OPLAH: variants seen among roughly 807,000 people sequenced by gnomAD.
OPLAH encodes the protein 5-oxoprolinase, ATP-hydrolysing.
OPLAH carries 103 observed loss-of-function variants against 122.8 expected under a neutral mutation model. The observed-to-expected ratio is 0.84, with a 90% confidence interval of 0.71 to 0.99. OPLAH has a LOEUF of 0.99. Among genes scored for constraint, OPLAH ranks in the 50% least tolerant of loss-of-function variants. OPLAH has a pLI of 0.00. For synonymous variants in OPLAH, 875 were observed against 796.0 expected, an observed-to-expected ratio of 1.10 and a Z score of -1.67; for missense variants, 1,902 against 1,836.5, an observed-to-expected ratio of 1.04 and a Z score of -0.65.
intron 15 of OPLAH, 68 bp downstream of exon 15, chr8:144,056,079 G>T: frequency 6.5e-7 from 1 of 1,546,224 alleles, no homozygotes; most frequent in Non-Finnish European, 8.8e-7. Context: ...TTGGGCCAGA[G>T]AACCCTGCAC....
At chr8:144,050,877 G>A, downstream of OPLAH, 2 of 996,860 alleles carry the variant, frequency 2.0e-6, no homozygotes, top group Non-Finnish European at 2.4e-6. Flanking sequence ...CGACCTGGAT[G>A]TAGGCACTGC....
chr8:144,056,032 G>T, intron 15 of OPLAH, 93 bp from the exon 16 acceptor site: 1 of 1,494,292 alleles, frequency 6.7e-7, no homozygotes. Flanking sequence ...CCACCCCAAC[G>T]ATGGTGGGAT....
chr8:144,058,257 T>C lies in OPLAH; in HGVS notation c.931A>G (p.Ile311Val), dbSNP rs1554759898. The change falls in exon 7 of 27, where the codon ATC (isoleucine) becomes GTC (valine). Residue 311 changes from isoleucine (I) to valine (V), a missense_variant. This residue lies in a region of OPLAH where 1,726 missense variants were observed against 1,642.1 expected (regional missense o/e 1.05). Transcript: ENST00000618853. ...TYQQEGGQPV[I>V]GFDMGGTSTD... ...CTCATACCTCCCATGTCAAAGCCGA[T>C]GACAGGCTGGCCACCCTCCTGCTGG... The C allele has an allele frequency of 2.5e-6, 4 of 1,610,482 alleles. No individual in the cohort carries two copies. The highest frequency in any genetic ancestry group is 1.7e-5 in the Admixed American group (1 of 59,930).
In OPLAH at chr8:144,057,445, T is replaced by C. The variant is rs782296452; in HGVS notation, c.1422+3A>G. On this transcript the variant is annotated splice_donor_region_variant and intron_variant, in intron 10 of 26. Coordinates refer to ENST00000618853, the MANE Select transcript of OPLAH (RefSeq NM_017570.5). ...ACAGGCGGGAGAGCAGAGGTGGACGTACCTGCGTGAGTGCACGGATGGGCC... is the reference window on the plus strand; with the variant it reads ...ACAGGCGGGAGAGCAGAGGTGGACGCACCTGCGTGAGTGCACGGATGGGCC... The C allele has an allele frequency of 1.9e-6, 3 of 1,582,506 alleles. No individual in the cohort carries two copies. Among genetic ancestry groups the C allele is most frequent in the East Asian group, 2.3e-5 (1 of 43,246 alleles).
At position 144,054,472 on chromosome 8, in the gene OPLAH, T is replaced by C. The variant is rs989191407; in HGVS notation, c.2686+89A>G. 7 of 1,376,692 alleles carry C rather than the reference T, an allele frequency of 5.1e-6. No homozygotes were observed. In the African/African-American group the frequency reaches 8.7e-5, roughly 17 times the overall value. The allele number at this position is 1,376,692 out of a possible 1,614,324, so 85.3% of individuals were successfully genotyped here. Reference sequence around the variant, plus strand: ...TCAAGGCAGGCCTGGGCCTATGGGCTGCATCCCACGGTCCAGCCAGGCCTG... The same window carrying C: ...TCAAGGCAGGCCTGGGCCTATGGGCCGCATCCCACGGTCCAGCCAGGCCTG... On this transcript the variant is annotated intron_variant, in intron 19 of 26. Transcript: ENST00000618853.
At position 144,055,401 on chromosome 8, in the gene OPLAH, C is replaced by T. The variant is rs1554758750; in HGVS notation, c.2249-212G>A. Among the ~76,000 whole-genome samples the T allele has an allele frequency of 6.6e-6, 1 of 152,094 alleles. No individual in the cohort carries two copies. Among genetic ancestry groups the T allele is most frequent in the African/African-American group, 2.4e-5 (1 of 41,418 alleles). On this transcript the variant is annotated intron_variant, in intron 16 of 26. Transcript: ENST00000618853. The surrounding 1 kb of genome is among the most constrained non-coding windows in gnomAD (Gnocchi z 6.5). Reference sequence around the variant, plus strand: ...ACCTTCCCCAGCCCTGCCTGGAGCCCCCAGCAAGAACCCAGTGCCACCCCT... The same window carrying T: ...ACCTTCCCCAGCCCTGCCTGGAGCCTCCAGCAAGAACCCAGTGCCACCCCT...
At chr8:144,063,083 G>A (rs1361626115), upstream of OPLAH, among the ~76,000 whole-genome samples, 1 of 151,792 alleles carries the variant, frequency 6.6e-6, no homozygotes, top group African/African-American at 2.4e-5. This position sits in a 1 kb window ranked among gnomAD's most constrained non-coding sequence, Gnocchi z 4.2. Context: ...GCAATGCCAC[G>A]CAGCCCCTCC....
Position 144,052,519 on chromosome 8 carries a change from C to T in OPLAH, c.3233G>A (p.Gly1078Asp), listed in dbSNP as rs1554757936. The T allele has an allele frequency of 6.3e-7, 1 of 1,583,832 alleles. No individual in the cohort carries two copies. Among genetic ancestry groups the T allele is most frequent in the Admixed American group, 1.7e-5 (1 of 57,360 alleles). Residue 1078 changes from glycine (G) to aspartate (D), a missense_variant, in exon 23 of 27, where the codon GGC (glycine) becomes GAC (aspartate). Gly to Asp is a moderately conservative substitution (Grantham distance 94). Coordinates refer to ENST00000618853, the MANE Select transcript of OPLAH (RefSeq NM_017570.5). ...CACGCGCTGCGACGTGAGCACGTTG[C>T]CGCCCACCACCGCCGCCTCGGGCGA... Reference protein sequence around the residue: ...DPSPEAAVVGGNVLTSQRVVD... With the variant: ...DPSPEAAVVGDNVLTSQRVVD...
At chr8:144,063,192 C>G (rs1382108840), upstream of OPLAH, among the ~76,000 whole-genome samples, 1 of 152,168 alleles carries the variant, frequency 6.6e-6, no homozygotes, top group Non-Finnish European at 1.5e-5. This position sits in a 1 kb window ranked among gnomAD's most constrained non-coding sequence, Gnocchi z 4.2. Context: ...AAAACCAAGC[C>G]CCAGGCCACC....
rs376000019 is a variant in OPLAH, at chr8:144,058,568, G to A, written c.711C>T (p.Ala237=). The part of the protein sequence containing the change: ...RIVPRGHTAC[A]DAYLTPAIQR... The stretch of plus-strand genomic sequence containing the variant: ...GGATGGCGGGCGTGAGGTAGGCGTC[G>A]GCACAGGCCGTGTGCCCCCGAGGGA... The change falls in exon 6 of 27, where the codon GCC becomes GCT. Residue 237 remains alanine (A), a synonymous_variant. Coordinates refer to ENST00000618853, the MANE Select transcript of OPLAH (RefSeq NM_017570.5). 226 of 1,601,600 alleles carry A rather than the reference G, an allele frequency of 1.4e-4. No individual in the cohort carries two copies. In the African/African-American group the frequency reaches 2.6e-3, roughly 18 times the overall value.
chr8:144,055,825 C>T lies in OPLAH; in HGVS notation c.2211G>A (p.Gln737=), dbSNP rs868916897. Residue 737 remains glutamine, a synonymous_variant, in exon 16 of 27, where the codon CAG becomes CAA. Transcript: ENST00000618853. The surrounding 1 kb of genome is among the most constrained non-coding windows in gnomAD (Gnocchi z 6.5). ...GTVGPQLDPI[Q]LSIFSHRFMS... is the part of the protein sequence containing the mutation. ...TGAAGCGGTGTGAGAAGATGGACAG[C>T]TGGATAGGGTCCAGCTGGGGGCCCA... The T allele has an allele frequency of 6.4e-7, 1 of 1,567,742 alleles. No homozygotes were observed. Among genetic ancestry groups the T allele is most frequent in the Admixed American group, 1.9e-5 (1 of 53,236 alleles).
At chr8:144,063,732 C>G (rs782374376), upstream of OPLAH, 1 of 152,470 alleles carries the variant, frequency 6.6e-6, no homozygotes. This position sits in a 1 kb window ranked among gnomAD's most constrained non-coding sequence, Gnocchi z 4.2. Flanking sequence ...GATCGTTCTC[C>G]GCCTGGGTAG....
chr8:144,051,117 G>A, downstream of OPLAH: 1 of 1,382,504 alleles, frequency 7.2e-7, no homozygotes, highest in Non-Finnish European at 9.3e-7. Flanking sequence ...CCCCCAGGAG[G>A]TGGAGCAGGT....
Position 144,060,050 on chromosome 8 carries a change from C to T in OPLAH, c.-18G>A, listed in dbSNP as rs1554760578. On this transcript the variant is annotated 5_prime_UTR_variant, in exon 2 of 27. Coordinates refer to ENST00000618853, the MANE Select transcript of OPLAH (RefSeq NM_017570.5). Reference sequence around the variant, plus strand: ...CTGCCCATGGTGGTGGGGCTGGAGTCCCACAGGAGCTCTTCAGCTGGTAGC... The same window carrying T: ...CTGCCCATGGTGGTGGGGCTGGAGTTCCACAGGAGCTCTTCAGCTGGTAGC... The T allele has an allele frequency of 1.2e-6, 2 of 1,605,704 alleles. No homozygotes were observed. Among genetic ancestry groups the T allele is most frequent in the South Asian group, 1.1e-5 (1 of 90,480 alleles).
In OPLAH at chr8:144,059,952, C is replaced by T. The variant is rs782691740; in HGVS notation, c.81G>A (p.Gly27=). 1.4e-5 allele frequency: 22 copies of T among 1,612,792 alleles called. No individual in the cohort carries two copies. In the East Asian group the frequency reaches 4.7e-4, roughly 34 times the overall value. ...TFTDVFAQCP[G]GHVRVLKLLS... Reference sequence around the variant, plus strand: ...GCAGTTTTAAGACCCGCACGTGCCCCCCTGGGCACTGGGCAAAGACGTCTG... The same window carrying T: ...GCAGTTTTAAGACCCGCACGTGCCCTCCTGGGCACTGGGCAAAGACGTCTG... Residue 27 remains glycine, a synonymous_variant, in exon 2 of 27, where the codon GGG becomes GGA. Transcript: ENST00000618853.
rs1554757573 is a variant in OPLAH, at chr8:144,051,310, C to T, written c.*16G>A. On this transcript the variant is annotated 3_prime_UTR_variant, in exon 27 of 27. Coordinates refer to ENST00000618853, the MANE Select transcript of OPLAH (RefSeq NM_017570.5). Reference sequence around the variant, plus strand: ...CCCAGAACCGGGAGACTTAAGGCATCTTTATTGCGGGATCCTCACACGGCC... The same window carrying T: ...CCCAGAACCGGGAGACTTAAGGCATTTTTATTGCGGGATCCTCACACGGCC... 3 of 1,610,584 alleles carry T rather than the reference C, an allele frequency of 1.9e-6. No individual in the cohort carries two copies. The highest frequency in any genetic ancestry group is 1.7e-5 in the Admixed American group (1 of 59,760).
rs1835604583 is a variant in OPLAH, at chr8:144,059,063, T to G, written c.380A>C (p.Glu127Ala). 6.3e-7 allele frequency: 1 copy of G among 1,586,698 alleles called. No individual in the cohort carries two copies. The highest frequency in any genetic ancestry group is 1.2e-5 in the South Asian group (1 of 86,842). The change falls in exon 4 of 27, where the codon GAG (glutamate) becomes GCG (alanine). Residue 127 changes from glutamate to alanine, a missense_variant. This residue lies in a region of OPLAH where 8 missense variants were observed against 23.9 expected (regional missense o/e 0.34). Coordinates refer to ENST00000618853, the MANE Select transcript of OPLAH (RefSeq NM_017570.5). The part of the protein sequence containing the change: ...DLFDLAVPMP[E>A]VLYEEVLEVD... ...CTCCAGCACCTCTTCATACAGCACC[T>G]CAGGCATGGGCACGGCCTGGGGGCG... is the stretch of plus-strand genomic sequence containing the variant.
intron 22 of OPLAH, 42 bp downstream of exon 22, chr8:144,052,724 C>A: frequency 1.3e-6 from 2 of 1,553,644 alleles, no homozygotes; most frequent in Non-Finnish European, 8.7e-7. Flanking sequence ...CTCAGGGTGA[C>A]CTCGGGCTGG....
chr8:144,062,415 C>T (rs571060980), upstream of OPLAH, among the ~76,000 whole-genome samples: 1 of 152,230 alleles, frequency 6.6e-6, no homozygotes, highest in African/African-American at 2.4e-5. Context: ...GCTGAGGCCC[C>T]AGATGATCAT....
Sources: gnomAD v4.1 joint callset for allele counts (sites outside exome capture counted in the v4.1 genomes callset) on GRCh38, gnomAD v4.1.1 for gene constraint, gnomAD v4.1.1 regional missense constraint, Gnocchi (gnomAD v3.1) non-coding constraint, MANE v1.5 for transcripts, NCBI Gene and HGNC (gene_info 2026-07-23, HGNC 2026-07-21) for gene names.